The following RHBDL2 variants were observed in gnomAD, a reference collection of about 807,000 sequenced individuals.
RHBDL2 encodes rhomboid-related protein 2.
Under a neutral mutation model 31.7 loss-of-function variants are expected in RHBDL2, and 26 were observed. That is an observed-to-expected ratio of 0.82 (90% CI 0.60 to 1.14). The LOEUF is 1.14. RHBDL2 is among the 50% of genes most tolerant of loss of function. RHBDL2 has a pLI of 0.00. For synonymous variants in RHBDL2, 123 were observed against 127.2 expected, an observed-to-expected ratio of 0.97 and a Z score of 0.22; for missense variants, 336 against 364.4, an observed-to-expected ratio of 0.92 and a Z score of 0.63.
intron 4 of RHBDL2, among the ~76,000 whole-genome samples, chr1:38,901,078 A>C (rs1642982431): frequency 6.6e-6 from 1 of 151,746 alleles, no homozygotes; most frequent in African/African-American, 2.4e-5. Context: ...TAAATAAATA[A>C]ATAAAATTTT....
At chr1:38,897,960 A>G (rs1642941541) in intron 4 of RHBDL2, among the ~76,000 whole-genome samples, 1 of 151,930 alleles carries the variant, frequency 6.6e-6, no homozygotes, top group East Asian at 1.9e-4. Context: ...GCGAAACCCC[A>G]TCTCCACTAA....
intron 4 of RHBDL2, among the ~76,000 whole-genome samples, chr1:38,906,490 C>T (rs112003122): frequency 0.15 from 23,261 of 151,814 alleles, 2,253 homozygotes; most frequent in Non-Finnish European, 0.22. Context: ...CTGGCTAACA[C>T]GGTGAAACCC....
chr1:38,911,640 G>A, intron 3 of RHBDL2, among the ~76,000 whole-genome samples: 1 of 59,916 alleles, frequency 1.7e-5, no homozygotes, highest in Admixed American at 2.2e-4. Flanking sequence ...GTGTGTGTGT[G>A]TGTGTGCGCG....
intron 4 of RHBDL2, among the ~76,000 whole-genome samples, chr1:38,900,915 G>T (rs917947527): frequency 1.3e-4 from 19 of 151,560 alleles, no homozygotes; most frequent in Admixed American, 6.6e-5. Context: ...AGGCGTGGTG[G>T]CACACGTCTG....
chr1:38,893,246 A>T (rs1340002256), intron 5 of RHBDL2, 22 bp from the exon 6 acceptor site: 1 of 1,191,100 alleles, frequency 8.4e-7, no homozygotes, highest in African/African-American at 1.5e-5. Context: ...ATAAATAATA[A>T]TTATATAAGC....
At chr1:38,902,714 C>T (rs1643011173) in intron 4 of RHBDL2, among the ~76,000 whole-genome samples, 1 of 152,066 alleles carries the variant, frequency 6.6e-6, no homozygotes, top group Non-Finnish European at 1.5e-5. Flanking sequence ...GCCACCACAC[C>T]CAGCCTTTGT....
At chr1:38,925,374 T>A (rs919151733) in intron 1 of RHBDL2, among the ~76,000 whole-genome samples, 1 of 152,064 alleles carries the variant, frequency 6.6e-6, no homozygotes, top group African/African-American at 2.4e-5. Flanking sequence ...GGCATGTGCC[T>A]GTAATCCCAG....
At chr1:38,911,973 AT>A (rs879727227) in intron 3 of RHBDL2, among the ~76,000 whole-genome samples, 308 of 142,224 alleles carry the variant, frequency 2.2e-3, no homozygotes, top group African/African-American at 2.4e-3. Flanking sequence ...CGCCCAGCTA[AT>A]TTTTTTTTTT....
At position 38,911,452 on chromosome 1, in the gene RHBDL2, A is replaced by G. The variant is rs752923212; in HGVS notation, c.396-18T>C. On this transcript the variant is annotated intron_variant, in intron 3 of 7. Transcript: ENST00000372990. ...GCTGAACTCTGCAAAGACAAACAAT[A>G]GTTGTCAAATATTATGACTAAACCA... 6.5e-7 allele frequency: 1 copy of G among 1,531,774 alleles called. No individual in the cohort carries two copies. Among genetic ancestry groups the G allele is most frequent in the Non-Finnish European group, 9.0e-7 (1 of 1,105,116 alleles). 94.9% of individuals were successfully genotyped at this position (1,531,774 alleles called of 1,614,324 possible).
At chr1:38,897,258 G>A (rs1463277343) in intron 4 of RHBDL2, among the ~76,000 whole-genome samples, 1 of 151,998 alleles carries the variant, frequency 6.6e-6, no homozygotes, top group East Asian at 1.9e-4. Context: ...CCGCCACCAC[G>A]CCTGGCTAAT....
At chr1:38,916,912 C>A in intron 2 of RHBDL2, among the ~76,000 whole-genome samples, 1 of 145,016 alleles carries the variant, frequency 6.9e-6, no homozygotes, top group East Asian at 2.0e-4. Flanking sequence ...GTACTATATA[C>A]AGAGATTATC....
intron 5 of RHBDL2, 96 bp from the exon 6 acceptor site, chr1:38,893,320 C>A: frequency 3.4e-6 from 2 of 594,314 alleles, no homozygotes; most frequent in South Asian, 2.7e-5. Context: ...TTGAAATAAT[C>A]TTCCAGTATC....
intron 4 of RHBDL2, among the ~76,000 whole-genome samples, chr1:38,906,696 C>T (rs1643071902): frequency 6.6e-6 from 1 of 151,778 alleles, no homozygotes. Flanking sequence ...GAATAACATG[C>T]ACAAATCAAT....
Position 38,886,580 on chromosome 1 carries a change from CA to C in RHBDL2, c.835del (p.Trp279GlyfsTer2). The C allele has an allele frequency of 6.2e-7, 1 of 1,606,934 alleles. No individual in the cohort carries two copies. The highest frequency in any genetic ancestry group is 8.5e-7 in the Non-Finnish European group (1 of 1,175,870). On this transcript the variant is annotated frameshift_variant, in exon 8 of 8. Transcript: ENST00000372990. LOFTEE classifies it high-confidence loss of function. ...DKALLKDPRF[W>X]IAIAAYLACV... is the part of the protein sequence containing the mutation. ...AGCTAAATATGCAGCAATTGCTATCCAAAACCTTGGATCTTTCAGCAGTGCT... is the reference window on the plus strand; with the variant it reads ...AGCTAAATATGCAGCAATTGCTATCCAAACCTTGGATCTTTCAGCAGTGCT...
At chr1:38,889,163 G>C (rs1570910118) in intron 6 of RHBDL2, among the ~76,000 whole-genome samples, 1 of 152,052 alleles carries the variant, frequency 6.6e-6, no homozygotes, top group African/African-American at 2.4e-5. Context: ...GTGCAATCTC[G>C]GCTCACTGCA....
In RHBDL2 at chr1:38,911,448, C is replaced by T. The variant is rs1643139975; in HGVS notation, c.396-14G>A. 2.6e-6 allele frequency: 4 copies of T among 1,534,312 alleles called. No individual in the cohort carries two copies. The highest frequency in any genetic ancestry group is 3.6e-6 in the Non-Finnish European group (4 of 1,107,608). On this transcript the variant is annotated splice_polypyrimidine_tract_variant and intron_variant, in intron 3 of 7. Transcript: ENST00000372990. ...ATGTGCTGAACTCTGCAAAGACAAA[C>T]AATAGTTGTCAAATATTATGACTAA...
rs565196841 is a variant in RHBDL2, at chr1:38,906,223, A to C, written c.508+5099T>G. 1.8e-3 allele frequency among the ~76,000 whole-genome samples: 271 copies of C among 152,354 alleles called. 2 individuals carry two copies. The highest frequency in any genetic ancestry group is 3.0e-3 in the Non-Finnish European group (207 of 68,030). On this transcript the variant is annotated intron_variant, in intron 4 of 7. Coordinates refer to ENST00000372990, the MANE Select transcript of RHBDL2 (RefSeq NM_017821.5). ...CTAGCCAACACAATAAGGCAAGAAA[A>C]AGAAACAAAAGGCATATAGATTGGA...
chr1:38,937,179 C>G (rs151291269), intron 1 of RHBDL2, among the ~76,000 whole-genome samples: 1 of 152,002 alleles, frequency 6.6e-6, no homozygotes, highest in Admixed American at 6.6e-5. Context: ...ATCTCCTGAC[C>G]TTGTGATCCA....
intron 2 of RHBDL2, among the ~76,000 whole-genome samples, chr1:38,917,408 G>A (rs555541909): frequency 1.5e-4 from 23 of 152,276 alleles, no homozygotes; most frequent in African/African-American, 5.3e-4. Flanking sequence ...TGGTCTTTCT[G>A]TGAGAGGCAG....
Sources: gnomAD v4.1 joint callset for allele counts (sites outside exome capture counted in the v4.1 genomes callset) on GRCh38, gnomAD v4.1.1 for gene constraint, MANE v1.5 for transcripts, NCBI Gene and HGNC (gene_info 2026-07-23, HGNC 2026-07-21) for gene names.